Variants in HMCN1 observed in about 807,000 individuals in gnomAD.
HMCN1 encodes the protein hemicentin 1, also known as hemicentin-1.
In HMCN1, 321 loss-of-function variants were observed where a neutral mutation model predicts 625.9. The ratio of observed to expected loss-of-function variants is 0.51; its 90% CI spans 0.47 to 0.56. The LOEUF (loss-of-function observed/expected upper bound fraction) is 0.56, where lower values mean the gene tolerates loss of function less well. Ranked by LOEUF, HMCN1 falls within the 20% of genes least tolerant of loss-of-function variation. HMCN1 has a pLI of 0.00. For missense variants in HMCN1, 6,588 were observed against 6,887.3 expected, an observed-to-expected ratio of 0.96 and a Z score of 1.54; for synonymous variants, 2,425 against 2,417.6, an observed-to-expected ratio of 1.00 and a Z score of -0.09.
chr1:185,910,350 C>G (rs946958695), intron 5 of HMCN1, among the ~76,000 whole-genome samples: 1 of 152,052 alleles, frequency 6.6e-6, no homozygotes, highest in African/African-American at 2.4e-5. Flanking sequence ...AAGACTTATA[C>G]AAGTTTGAGC....
chr1:186,174,636 T>C lies in HMCN1; in HGVS notation c.15937T>C (p.Cys5313Arg). The change falls in exon 103 of 107, where the codon TGC becomes CGC. Residue 5313 changes from cysteine (C) to arginine (R), a missense_variant. This residue lies in a region of HMCN1 where 1,954 missense variants were observed against 2,013.1 expected (regional missense o/e 0.97). Transcript: ENST00000271588. ...GYRSQGVGRPCMDINECEQVP... is the reference protein window; with the variant it reads ...GYRSQGVGRPRMDINECEQVP... ...TCGGTCTCAAGGAGTTGGAAGACCC[T>C]GCATGGGTAAGTTAATAGGAACTTG... is the stretch of plus-strand genomic sequence containing the variant. 1.2e-6 allele frequency: 2 copies of C among 1,614,010 alleles called. No individual in the cohort carries two copies. Among genetic ancestry groups the C allele is most frequent in the Non-Finnish European group, 1.7e-6 (2 of 1,179,902 alleles).
chr1:185,894,339 T>G (rs547835500), intron 4 of HMCN1, among the ~76,000 whole-genome samples: 1 of 152,210 alleles, frequency 6.6e-6, no homozygotes, highest in Non-Finnish European at 1.5e-5. Flanking sequence ...TTCATTCTCA[T>G]TGATGTATAG....
chr1:185,793,943 G>A (rs1380127032), intron 1 of HMCN1, among the ~76,000 whole-genome samples: 2 of 152,192 alleles, frequency 1.3e-5, no homozygotes, highest in African/African-American at 4.8e-5. Context: ...CTATCAGAAA[G>A]TTGAGGCATT....
chr1:186,018,584 G>GAAAT (rs895451934), intron 34 of HMCN1, among the ~76,000 whole-genome samples: 10 of 151,988 alleles, frequency 6.6e-5, no homozygotes, highest in Admixed American at 2.0e-4. Context: ...ATAACTCTGG[G>GAAAT]AAATAAATAA....
In HMCN1 at chr1:185,994,896, G is replaced by A; in HGVS notation, c.3587G>A (p.Gly1196Glu). ...QRVDIPCNAQ[G>E]TPLPVITWSK... The stretch of plus-strand genomic sequence containing the variant: ...GTGGATATTCCATGTAATGCTCAAG[G>A]GACTCCTCTTCCTGTAATCACCTGG... Residue 1196 changes from glycine (G) to glutamate (E), a missense_variant, in exon 24 of 107, where the codon GGG becomes GAG. By Grantham distance (98) the Gly-to-Glu change is moderately conservative (BLOSUM62 -2). This residue lies in a region of HMCN1 where 4,628 missense variants were observed against 4,853.1 expected (regional missense o/e 0.95). Transcript: ENST00000271588. 1 of 1,613,778 alleles carries A rather than the reference G, an allele frequency of 6.2e-7. No individual in the cohort carries two copies. The highest frequency in any genetic ancestry group is 8.5e-7 in the Non-Finnish European group (1 of 1,179,788).
intron 1 of HMCN1, among the ~76,000 whole-genome samples, chr1:185,840,970 G>A (rs1558008159): frequency 1.3e-5 from 2 of 152,132 alleles, no homozygotes; most frequent in Non-Finnish European, 2.9e-5. Context: ...ACCACTTTGA[G>A]TAAAGAAAAA....
chr1:186,015,476 C>T, intron 31 of HMCN1, 39 bp downstream of exon 31: 1 of 1,588,058 alleles, frequency 6.3e-7, no homozygotes, highest in Admixed American at 1.7e-5. Context: ...TACCTTTCTA[C>T]CTATGCTTTC....
intron 86 of HMCN1, 96 bp from the exon 87 acceptor site, chr1:186,136,572 A>G: frequency 1.2e-5 from 14 of 1,122,788 alleles, no homozygotes; most frequent in South Asian, 6.3e-5. Context: ...AAACAAATCA[A>G]TCACTTTTTT....
In HMCN1 at chr1:186,018,381, C is replaced by A. The variant is rs753085126; in HGVS notation, c.5470+29C>A. On this transcript the variant is annotated intron_variant, in intron 34 of 106. Transcript: ENST00000271588. The stretch of plus-strand genomic sequence containing the variant: ...TGCTGAAGAAGGGACAGGAACTTTG[C>A]ATCTTAAATTAATTTATGCATTGTT... 6 of 1,590,320 alleles carry A rather than the reference C, an allele frequency of 3.8e-6. No individual in the cohort carries two copies. The South Asian group carries it at 4.4e-5, about 12-fold the overall frequency.
intron 1 of HMCN1, among the ~76,000 whole-genome samples, chr1:185,742,948 G>C (rs1654087023): frequency 6.6e-6 from 1 of 152,176 alleles, no homozygotes; most frequent in Admixed American, 6.5e-5. Context: ...CCATTTAACA[G>C]AATCCTCTGT....
intron 40 of HMCN1, 115 bp downstream of exon 40, chr1:186,041,251 T>C: frequency 1.1e-6 from 1 of 907,028 alleles, no homozygotes; most frequent in East Asian, 2.6e-5. Flanking sequence ...TTAGAAATGA[T>C]ATTACAGGAT....
chr1:186,094,639 A>G (rs1343421590), intron 67 of HMCN1, among the ~76,000 whole-genome samples: 1 of 152,176 alleles, frequency 6.6e-6, no homozygotes, highest in African/African-American at 2.4e-5. Flanking sequence ...ATCCAGACAC[A>G]AGACCAGTCT....
Position 186,037,919 on chromosome 1 carries a change from T to C in HMCN1, c.5750-15T>C. The C allele has an allele frequency of 7.0e-7, 1 of 1,422,338 alleles. No homozygotes were observed. The highest frequency in any genetic ancestry group is 9.9e-7 in the Non-Finnish European group (1 of 1,005,078). 88.1% of individuals were successfully genotyped at this position (1,422,338 alleles called of 1,614,324 possible). On this transcript the variant is annotated splice_polypyrimidine_tract_variant and intron_variant, in intron 36 of 106. Coordinates refer to ENST00000271588, the MANE Select transcript of HMCN1 (RefSeq NM_031935.3). ...CTACTTATAAGAAATAATTATCTGTTTGGGCCTCTTGTAGAACCACCTAGT... is the reference window on the plus strand; with the variant it reads ...CTACTTATAAGAAATAATTATCTGTCTGGGCCTCTTGTAGAACCACCTAGT...
chr1:186,017,406 AAC>A (rs1390920817), intron 33 of HMCN1, among the ~76,000 whole-genome samples: 1 of 152,084 alleles, frequency 6.6e-6, no homozygotes, highest in Non-Finnish European at 1.5e-5. Flanking sequence ...TGAAATGTTT[AAC>A]AGACTACTAA....
chr1:185,878,799 T>G (rs1433900421), intron 4 of HMCN1, among the ~76,000 whole-genome samples: 1 of 152,190 alleles, frequency 6.6e-6, no homozygotes, highest in Non-Finnish European at 1.5e-5. Context: ...AACTGAATGT[T>G]TTGAATGAAT....
chr1:185,830,889 A>G (rs1660817060), intron 1 of HMCN1, among the ~76,000 whole-genome samples: 1 of 152,094 alleles, frequency 6.6e-6, no homozygotes, highest in South Asian at 2.1e-4. Context: ...CTCCAATTCA[A>G]AAGAAAAAAA....
At chr1:185,879,820 A>G (rs1664182753) in intron 4 of HMCN1, among the ~76,000 whole-genome samples, 2 of 152,134 alleles carry the variant, frequency 1.3e-5, no homozygotes, top group South Asian at 4.1e-4. Context: ...AGAGTTGAGG[A>G]GGTCATTGAG....
chr1:185,997,434 C>A lies in HMCN1; in HGVS notation c.3784C>A (p.Pro1262Thr). ...TEITLHVQEP[P>T]TVEDLEPPYN... ...TGCATTTATTTTCCTAATAGAACCA[C>A]CCACAGTGGAAGATCTAGAACCTCC... is the stretch of plus-strand genomic sequence containing the variant. Residue 1262 changes from proline (P) to threonine (T), a missense_variant, in exon 25 of 107, where the codon CCC becomes ACC. Transcript: ENST00000271588. 1 of 1,605,878 alleles carries A rather than the reference C, an allele frequency of 6.2e-7. No individual in the cohort carries two copies. The highest frequency in any genetic ancestry group is 8.5e-7 in the Non-Finnish European group (1 of 1,173,144).
intron 11 of HMCN1, among the ~76,000 whole-genome samples, chr1:185,949,711 C>T (rs1013807248): frequency 3.0e-4 from 45 of 151,854 alleles, no homozygotes; most frequent in Admixed American, 2.2e-3. Flanking sequence ...CCTTCTCAGA[C>T]CCTGTAGGAA....
Sources: gnomAD v4.1 joint callset for allele counts (sites outside exome capture counted in the v4.1 genomes callset) on GRCh38, gnomAD v4.1.1 for gene constraint, gnomAD v4.1.1 regional missense constraint, MANE v1.5 for transcripts, NCBI Gene and HGNC (gene_info 2026-07-23, HGNC 2026-07-21) for gene names.